The following NAF1 variants were observed in gnomAD, a reference collection of about 807,000 sequenced individuals.
NAF1 encodes H/ACA ribonucleoprotein complex non-core subunit NAF1.
In NAF1, 11 loss-of-function variants were observed where a neutral mutation model predicts 40.6. The ratio of observed to expected loss-of-function variants is 0.27; its 90% CI spans 0.17 to 0.45. The LOEUF (loss-of-function observed/expected upper bound fraction) is 0.45. Ranked by LOEUF, NAF1 falls within the 20% of genes least tolerant of loss-of-function variation. The probability of loss-of-function intolerance (pLI) is 1.00; values close to 1 mark genes in which losing one functional copy is unlikely to be tolerated. For synonymous variants in NAF1, 260 were observed against 228.5 expected, an observed-to-expected ratio of 1.14 and a Z score of -1.24; for missense variants, 607 against 611.1, an observed-to-expected ratio of 0.99 and a Z score of 0.07.
chr4:163,137,373 C>T (rs1234277595), intron 5 of NAF1, 123 bp from the exon 6 acceptor site: 6 of 967,500 alleles, frequency 6.2e-6, no homozygotes, highest in Admixed American at 3.2e-5. Flanking sequence ...TTTTGCAATA[C>T]AGTTATGTGT....
At chr4:163,144,004 T>A in intron 4 of NAF1, 1 of 972,702 alleles carries the variant, frequency 1.0e-6, no homozygotes, top group Non-Finnish European at 1.2e-6. Context: ...ACTGAGGGGG[T>A]GGGGAACAAC....
intron 2 of NAF1, among the ~76,000 whole-genome samples, chr4:163,149,712 T>G (rs1292132984): frequency 6.6e-6 from 1 of 152,144 alleles, no homozygotes; most frequent in Non-Finnish European, 1.5e-5. Context: ...AGCCTTATCT[T>G]GGGAAGACCA....
intron 2 of NAF1, among the ~76,000 whole-genome samples, chr4:163,148,924 G>C (rs1731585340): frequency 6.6e-6 from 1 of 152,124 alleles, no homozygotes; most frequent in South Asian, 2.1e-4. Flanking sequence ...AAGAAGAGTT[G>C]AATGGCCTCT....
At chr4:163,110,555 T>C (rs778114362) in intron 2 of NAF1, among the ~76,000 whole-genome samples, 22 of 152,160 alleles carry the variant, frequency 1.4e-4, no homozygotes, top group Non-Finnish European at 2.9e-4. Flanking sequence ...GGAGCTACTG[T>C]ATCATCATCT....
chr4:163,108,722 A>C (rs1730088889), downstream of NAF1: 1 of 152,176 alleles, frequency 6.6e-6, no homozygotes, highest in South Asian at 2.1e-4. Context: ...AAATGTATTC[A>C]ATTAAAGTTA....
At chr4:163,140,496 C>G in intron 4 of NAF1, 113 bp from the exon 5 acceptor site, 1 of 878,126 alleles carries the variant, frequency 1.1e-6, no homozygotes, top group Non-Finnish European at 1.8e-6. Context: ...GTAATTTTGT[C>G]AGTGTTAGGG....
chr4:163,112,261 A>C (rs1009701460), intron 2 of NAF1, among the ~76,000 whole-genome samples: 2 of 152,338 alleles, frequency 1.3e-5, no homozygotes, highest in African/African-American at 2.4e-5. Flanking sequence ...ATTAGCTTTA[A>C]GTAAAAGTAC....
At chr4:163,161,669 G>C (rs1732228779) in intron 2 of NAF1, among the ~76,000 whole-genome samples, 1 of 152,142 alleles carries the variant, frequency 6.6e-6, no homozygotes, top group Non-Finnish European at 1.5e-5. Context: ...GGTAATATGA[G>C]TCTCTGCTCC....
intron 2 of NAF1, among the ~76,000 whole-genome samples, chr4:163,163,363 T>C (rs889646609): frequency 1.1e-4 from 17 of 152,186 alleles, no homozygotes; most frequent in African/African-American, 3.6e-4. Context: ...CCTGAGTGCC[T>C]GTAGGCTTTA....
At chr4:163,127,707 A>C (rs1730707041), downstream of NAF1, among the ~76,000 whole-genome samples, 4 of 152,196 alleles carry the variant, frequency 2.6e-5, no homozygotes, top group Non-Finnish European at 1.5e-5. Context: ...AGAGCCTCTC[A>C]ACTTGTGTAC....
At chr4:163,143,577 G>C (rs1258034232) in intron 4 of NAF1, among the ~76,000 whole-genome samples, 1 of 152,168 alleles carries the variant, frequency 6.6e-6, no homozygotes, top group East Asian at 1.9e-4. Flanking sequence ...TCTAGAGGGG[G>C]CTAGGTAACT....
At chr4:163,162,486 C>G (rs975119059) in intron 2 of NAF1, among the ~76,000 whole-genome samples, 1 of 152,198 alleles carries the variant, frequency 6.6e-6, no homozygotes, top group African/African-American at 2.4e-5. Context: ...CAGAGAGGAA[C>G]AGACCAACCC....
chr4:163,163,105 G>A (rs1432439142), intron 2 of NAF1, among the ~76,000 whole-genome samples: 1 of 152,140 alleles, frequency 6.6e-6, no homozygotes, highest in African/African-American at 2.4e-5. Context: ...AAATGATCAA[G>A]AGACAAGCAA....
chr4:163,162,311 C>A (rs1335178965), intron 2 of NAF1, among the ~76,000 whole-genome samples: 4 of 152,194 alleles, frequency 2.6e-5, no homozygotes, highest in Non-Finnish European at 4.4e-5. Flanking sequence ...GTCCTTATAT[C>A]TTCTTTCAGA....
intron 6 of NAF1, among the ~76,000 whole-genome samples, chr4:163,136,740 G>A (rs1160812540): frequency 6.6e-6 from 1 of 152,130 alleles, no homozygotes; most frequent in East Asian, 1.9e-4. Context: ...ATCGTAAAAA[G>A]TAGAGAGGTA....
the NAF1 span, among the ~76,000 whole-genome samples, chr4:163,103,938 T>C: frequency 6.6e-6 from 1 of 151,772 alleles, no homozygotes; most frequent in Non-Finnish European, 1.5e-5. Flanking sequence ...GTGTGAGCAA[T>C]AAAGCTGTTT....
chr4:163,139,922 T>C (rs1321631157), intron 5 of NAF1, among the ~76,000 whole-genome samples: 1 of 152,050 alleles, frequency 6.6e-6, no homozygotes, highest in Non-Finnish European at 1.5e-5. Context: ...TTAGTACTAA[T>C]ACTAAAATAG....
intron 2 of NAF1, among the ~76,000 whole-genome samples, chr4:163,154,965 G>C (rs1731916726): frequency 6.6e-6 from 1 of 151,904 alleles, no homozygotes. Flanking sequence ...AGGCACCCAA[G>C]AGATGTGCTT....
intron 2 of NAF1, among the ~76,000 whole-genome samples, chr4:163,161,926 G>A (rs1323429403): frequency 1.3e-5 from 2 of 151,920 alleles, no homozygotes; most frequent in Admixed American, 1.3e-4. Flanking sequence ...TGGCTGTTAC[G>A]CACTCCCACC....
Sources: allele counts gnomAD v4.1 joint callset (sites outside exome capture counted in the v4.1 genomes callset), GRCh38; gene constraint gnomAD v4.1.1; transcripts MANE v1.5; gene names NCBI Gene and HGNC (gene_info 2026-07-23, HGNC 2026-07-21).